ACSS2: variants seen among roughly 807,000 people sequenced by gnomAD.
The protein encoded by ACSS2 is acyl-CoA synthetase short chain family member 2, also known as acetyl-coenzyme A synthetase, cytoplasmic.
Under a neutral mutation model 90.6 loss-of-function variants are expected in ACSS2, and 58 were observed. The ratio of observed to expected loss-of-function variants is 0.64; its 90% CI spans 0.52 to 0.80. ACSS2 has a LOEUF of 0.80. Among genes scored for constraint, ACSS2 ranks in the 30% least tolerant of loss-of-function variants. The probability of loss-of-function intolerance (pLI) is 0.00; values close to 1 mark genes in which losing one functional copy is unlikely to be tolerated. For missense variants in ACSS2, 759 were observed against 912.0 expected (o/e 0.83, Z 2.16); for synonymous variants, 300 against 330.9 (o/e 0.91, Z 1.01).
intron 2 of ACSS2, among the ~76,000 whole-genome samples, chr20:34,887,633 T>G (rs1474924999): frequency 6.6e-6 from 1 of 151,992 alleles, no homozygotes; most frequent in African/African-American, 2.4e-5. Flanking sequence ...TGCAGCTACT[T>G]GGGAGGCTGA....
chr20:34,919,302 TC>T (rs34213461), intron 7 of ACSS2, 132 bp from the exon 8 acceptor site: 1 of 1,393,880 alleles, frequency 7.2e-7, no homozygotes, highest in Admixed American at 2.0e-5. Flanking sequence ...TTCCATTCCA[TC>T]CTTGAAGGGC....
At position 34,876,827 on chromosome 20, in the gene ACSS2, A is replaced by G; in HGVS notation, c.178+4A>G. 1 of 1,294,284 alleles carries G rather than the reference A, an allele frequency of 7.7e-7. No individual in the cohort carries two copies. The highest frequency in any genetic ancestry group is 3.1e-5 in the East Asian group (1 of 31,782). The allele number at this position is 1,294,284 out of a possible 1,614,324, so 80.2% of individuals were successfully genotyped here. On this transcript the variant is annotated splice_donor_region_variant and intron_variant, in intron 1 of 17. Transcript: ENST00000360596. Reference sequence around the variant, plus strand: ...CGCTCCGTGGAGGAGCCGCGGGGTGAGGCCCGGCCCGGGCGGGCCTGGGGT... The same window carrying G: ...CGCTCCGTGGAGGAGCCGCGGGGTGGGGCCCGGCCCGGGCGGGCCTGGGGT...
At chr20:34,899,656 T>G (rs889834769) in intron 2 of ACSS2, among the ~76,000 whole-genome samples, 3 of 151,528 alleles carry the variant, frequency 2.0e-5, no homozygotes, top group African/African-American at 7.3e-5. Context: ...GCCCGGCTAA[T>G]TTTTGTATTT....
intron 2 of ACSS2, among the ~76,000 whole-genome samples, chr20:34,900,094 A>T (rs2147030091): frequency 6.8e-6 from 1 of 146,610 alleles, no homozygotes; most frequent in South Asian, 2.2e-4. Context: ...TTGTTTGATT[A>T]TGGCCATCTT....
intron 16 of ACSS2, 73 bp from the exon 17 acceptor site, chr20:34,926,804 C>G: frequency 6.7e-7 from 1 of 1,499,306 alleles, no homozygotes; most frequent in Non-Finnish European, 9.3e-7. Context: ...GGGAACAAAG[C>G]CATCTCTACT....
chr20:34,878,931 G>A (rs2079993879), intron 1 of ACSS2, among the ~76,000 whole-genome samples: 1 of 136,494 alleles, frequency 7.3e-6, no homozygotes, highest in African/African-American at 2.7e-5. Flanking sequence ...TTGAGACGGA[G>A]TCTCGCTCTG....
At chr20:34,876,988 G>A (rs1262451122) in intron 1 of ACSS2, among the ~76,000 whole-genome samples, 165 bp downstream of exon 1, 1 of 152,198 alleles carries the variant, frequency 6.6e-6, no homozygotes, top group Non-Finnish European at 1.5e-5. Flanking sequence ...ATTCCGGGAG[G>A]AGACGAGGGT....
chr20:34,903,655 G>A (rs2080725202), intron 2 of ACSS2, among the ~76,000 whole-genome samples: 1 of 152,012 alleles, frequency 6.6e-6, no homozygotes, highest in African/African-American at 2.4e-5. Context: ...AAAGAACTCA[G>A]TCTTTCCCTC....
chr20:34,903,560 C>T (rs2080722568), intron 2 of ACSS2, among the ~76,000 whole-genome samples: 1 of 151,896 alleles, frequency 6.6e-6, no homozygotes, highest in African/African-American at 2.4e-5. Context: ...TTCAGTGTTC[C>T]TCTCATCTCC....
At chr20:34,884,986 G>T (rs535256568) in intron 2 of ACSS2, among the ~76,000 whole-genome samples, 3 of 152,288 alleles carry the variant, frequency 2.0e-5, no homozygotes, top group South Asian at 4.1e-4. Context: ...GATTGCTTGA[G>T]CTCAAGAGTT....
chr20:34,922,049 C>T (rs1452385568), intron 13 of ACSS2, 183 bp downstream of exon 13: 5 of 1,357,700 alleles, frequency 3.7e-6, no homozygotes, highest in Non-Finnish European at 4.7e-6. Flanking sequence ...GCATCTCTTC[C>T]TTTTGGGCCA....
chr20:34,922,097 C>G, intron 13 of ACSS2: 1 of 995,786 alleles, frequency 1.0e-6, no homozygotes, highest in South Asian at 3.8e-5. Context: ...TGCTCAGATT[C>G]CTGATGGTAC....
Position 34,927,371 on chromosome 20 carries a change from A to AAG in ACSS2, c.*157_*158insAG. Reference sequence around the variant, plus strand: ...CCAGCTTTGTCTCCAGGTAGAGACAACATCCTGTGACTGCCAGGCAGAAAG... The same window carrying AAG: ...CCAGCTTTGTCTCCAGGTAGAGACAAAGCATCCTGTGACTGCCAGGCAGAAAG... On this transcript the variant is annotated 3_prime_UTR_variant, in exon 18 of 18. Transcript: ENST00000360596. This position sits in a 1 kb window ranked among gnomAD's most constrained non-coding sequence, Gnocchi z 4.2. 1 of 967,774 alleles carries AAG rather than the reference A, an allele frequency of 1.0e-6. No individual in the cohort carries two copies. The highest frequency in any genetic ancestry group is 1.6e-6 in the Non-Finnish European group (1 of 644,952). The allele number at this position is 967,774 out of a possible 1,614,324, so 59.9% of individuals were successfully genotyped here.
intron 7 of ACSS2, among the ~76,000 whole-genome samples, chr20:34,917,976 C>T (rs1204232530): frequency 2.0e-5 from 3 of 152,246 alleles, no homozygotes; most frequent in South Asian, 4.1e-4. Context: ...TGGTCTTGAA[C>T]TCACTCCTCA....
chr20:34,876,875 G>A (rs1601263864), intron 1 of ACSS2, 52 bp downstream of exon 1: 1 of 1,198,252 alleles, frequency 8.3e-7, no homozygotes. Context: ...AAGAGTGGGG[G>A]CTCCCTGGGG....
At position 34,914,359 on chromosome 20, in the gene ACSS2, C is replaced by A. The variant is rs61014667; in HGVS notation, c.756C>A (p.His252Gln). The change falls in exon 7 of 18, where the codon CAC becomes CAA. Residue 252 changes from histidine (H) to glutamine (Q), a missense_variant. Transcript: ENST00000360596. Reference sequence around the variant, plus strand: ...TAAGATGCTGCATTGTGGTCAAGCACCTGGGGCGGGCAGAGCTCGGCATGG... The same window carrying A: ...TAAGATGCTGCATTGTGGTCAAGCAACTGGGGCGGGCAGAGCTCGGCATGG... ...FPVRCCIVVK[H>Q]LGRAELGMGD... 2 of 1,613,910 alleles carry A rather than the reference C, an allele frequency of 1.2e-6. No homozygotes were observed. The highest frequency in any genetic ancestry group is 1.7e-5 in the Admixed American group (1 of 59,976).
At chr20:34,894,382 C>T (rs781676640) in intron 2 of ACSS2, among the ~76,000 whole-genome samples, 6 of 152,000 alleles carry the variant, frequency 3.9e-5, no homozygotes, top group South Asian at 2.1e-4. Flanking sequence ...CCCAGCTACT[C>T]GGGTGGCTGA....
chr20:34,898,840 C>G (rs559517416), intron 2 of ACSS2, among the ~76,000 whole-genome samples: 2 of 148,728 alleles, frequency 1.3e-5, no homozygotes, highest in South Asian at 4.2e-4. Context: ...GACTGGGTGC[C>G]GTGAGCAGGG....
chr20:34,895,342 G>A (rs1038819515), intron 2 of ACSS2, among the ~76,000 whole-genome samples: 2 of 152,070 alleles, frequency 1.3e-5, no homozygotes, highest in Non-Finnish European at 2.9e-5. Context: ...GTTTTGCATA[G>A]CCAGTTATCA....
Sources: allele counts gnomAD v4.1 joint callset (sites outside exome capture counted in the v4.1 genomes callset), GRCh38; gene constraint gnomAD v4.1.1; non-coding constraint Gnocchi (gnomAD v3.1); transcripts MANE v1.5; gene names NCBI Gene and HGNC (gene_info 2026-07-23, HGNC 2026-07-21).